RPS6KA5: variants seen among roughly 807,000 people sequenced by gnomAD.
The protein encoded by RPS6KA5 is ribosomal protein S6 kinase A5.
A neutral mutation model predicts 85.5 loss-of-function variants in RPS6KA5; 27 were observed. The observed-to-expected ratio is 0.32, with a 90% CI of 0.23 to 0.44. RPS6KA5 has a LOEUF of 0.44. Among genes scored for constraint, RPS6KA5 ranks in the 20% least tolerant of loss-of-function variants. The pLI, the probability that RPS6KA5 is intolerant of heterozygous loss-of-function variation, is 1.00. For missense variants in RPS6KA5, 811 were observed against 980.9 expected, an observed-to-expected ratio of 0.83 and a Z score of 2.31; for synonymous variants, 334 against 348.2, an observed-to-expected ratio of 0.96 and a Z score of 0.46.
chr14:90,908,723 A>G (rs954321730), intron 7 of RPS6KA5, among the ~76,000 whole-genome samples: 1 of 152,194 alleles, frequency 6.6e-6, no homozygotes, highest in Non-Finnish European at 1.5e-5. Context: ...TACTCTTGAA[A>G]TGTACTGGGT....
At position 90,871,204 on chromosome 14, in the gene RPS6KA5, A is replaced by C. The variant is rs1436515861; in HGVS notation, c.*870T>G. 2 of 152,638 alleles carry C rather than the reference A, an allele frequency of 1.3e-5. No homozygotes were observed. Among genetic ancestry groups the C allele is most frequent in the East Asian group, 3.8e-4 (2 of 5,204 alleles). The allele number at this position is 152,638 out of a possible 1,614,324, so 9.5% of individuals were successfully genotyped here. On this transcript the variant is annotated 3_prime_UTR_variant, in exon 17 of 17. Coordinates refer to ENST00000614987, the MANE Select transcript of RPS6KA5 (RefSeq NM_004755.4). ...TTCTACTTGTTGCATACAAAGTAGA[A>C]GAGGAATGTGAGGACAAATTTAAAG...
chr14:91,027,385 T>G (rs948975476), intron 1 of RPS6KA5, among the ~76,000 whole-genome samples: 2 of 152,148 alleles, frequency 1.3e-5, no homozygotes, highest in Admixed American at 6.6e-5. Flanking sequence ...ACTGCTTGGT[T>G]TTTTTTCCAC....
chr14:90,929,275 C>T (rs1306483094), intron 5 of RPS6KA5, among the ~76,000 whole-genome samples: 1 of 151,832 alleles, frequency 6.6e-6, no homozygotes, highest in Admixed American at 6.6e-5. Flanking sequence ...AATAACCATC[C>T]CCAAACACAC....
At chr14:90,975,052 A>G (rs2039501860) in intron 3 of RPS6KA5, among the ~76,000 whole-genome samples, 1 of 152,188 alleles carries the variant, frequency 6.6e-6, no homozygotes, top group Admixed American at 6.5e-5. Flanking sequence ...ATATATACTG[A>G]TAACAGAGGG....
chr14:90,964,014 G>A (rs542066054), intron 3 of RPS6KA5, among the ~76,000 whole-genome samples: 1 of 152,146 alleles, frequency 6.6e-6, no homozygotes, highest in Non-Finnish European at 1.5e-5. Context: ...GGAAGTCACT[G>A]AGAGACGTCA....
rs1724769022 is a variant in RPS6KA5, at chr14:90,866,113, C to T, written c.*5961G>A. On this transcript the variant is annotated 3_prime_UTR_variant, in exon 17 of 17. Coordinates refer to ENST00000614987, the MANE Select transcript of RPS6KA5 (RefSeq NM_004755.4). ...AGAAATACACAAATGAGTGTGGACA[C>T]ACCATAGAAAAGCAGAAAAATACGA... The T allele has an allele frequency of 6.6e-6, 1 of 152,082 alleles. No homozygotes were observed. Among genetic ancestry groups the T allele is most frequent in the Admixed American group, 6.5e-5 (1 of 15,268 alleles). The allele number at this position is 152,082 out of a possible 1,614,324, so 9.4% of individuals were successfully genotyped here.
intron 5 of RPS6KA5, among the ~76,000 whole-genome samples, chr14:90,923,526 G>A (rs911475918): frequency 6.6e-6 from 1 of 151,830 alleles, no homozygotes; most frequent in African/African-American, 2.4e-5. Context: ...GTATATTTCA[G>A]TTGCTGATTT....
chr14:90,930,070 C>T (rs2036890183), intron 5 of RPS6KA5, among the ~76,000 whole-genome samples: 1 of 152,136 alleles, frequency 6.6e-6, no homozygotes, highest in Admixed American at 6.5e-5. Context: ...TGAATTCTTG[C>T]TATATTGCCC....
chr14:90,914,172 ATCT>A (rs1566733885), intron 7 of RPS6KA5, among the ~76,000 whole-genome samples: 1 of 151,962 alleles, frequency 6.6e-6, no homozygotes, highest in Non-Finnish European at 1.5e-5. Flanking sequence ...GCGGCAAAGA[ATCT>A]ACACTGCAGC....
At chr14:90,985,611 T>G (rs2040024460) in intron 2 of RPS6KA5, among the ~76,000 whole-genome samples, 1 of 152,230 alleles carries the variant, frequency 6.6e-6, no homozygotes, top group Non-Finnish European at 1.5e-5. Flanking sequence ...CATAACAAAC[T>G]TATTAACTAT....
chr14:90,887,031 T>C (rs1220878607), intron 14 of RPS6KA5, among the ~76,000 whole-genome samples: 1 of 152,240 alleles, frequency 6.6e-6, no homozygotes, highest in African/African-American at 2.4e-5. Context: ...ATAAATTTTG[T>C]GCTTGTTATG....
intron 3 of RPS6KA5, among the ~76,000 whole-genome samples, chr14:90,977,576 C>CT (rs149582232): frequency 0.013 from 2,000 of 152,292 alleles, 56 homozygotes; most frequent in African/African-American, 0.046. Flanking sequence ...TCTTTTCTTT[C>CT]TTTTTTCTTT....
rs184039748 is a variant in RPS6KA5 at position 90,932,617 on chromosome 14, T to G, written c.619-9421A>C. ...ATACTCAGTGAGAAAACAGAAGACC[T>G]TCTATAAGCTGCCAGTACACACCAC... On this transcript the variant is annotated intron_variant, in intron 5 of 16. Coordinates refer to ENST00000614987, the MANE Select transcript of RPS6KA5 (RefSeq NM_004755.4). 3.2e-3 allele frequency among the ~76,000 whole-genome samples: 486 copies of G among 152,316 alleles called. 1 individual carries two copies. The highest frequency in any genetic ancestry group is 4.7e-3 in the Non-Finnish European group (320 of 68,008).
chr14:90,934,481 T>C (rs909798765), intron 5 of RPS6KA5, among the ~76,000 whole-genome samples: 4 of 152,152 alleles, frequency 2.6e-5, no homozygotes, highest in African/African-American at 9.7e-5. Flanking sequence ...CCTTTCTTTC[T>C]TAGAAAATAG....
intron 14 of RPS6KA5, among the ~76,000 whole-genome samples, chr14:90,885,673 C>A (rs1224833454): frequency 8.3e-6 from 1 of 120,138 alleles, no homozygotes; most frequent in Non-Finnish European, 1.6e-5. Flanking sequence ...ACCTAGGAGG[C>A]GGAGCTTGCA....
intron 14 of RPS6KA5, among the ~76,000 whole-genome samples, chr14:90,875,849 C>T (rs2140144400): frequency 7.5e-6 from 1 of 133,066 alleles, no homozygotes; most frequent in African/African-American, 2.9e-5. Flanking sequence ...GGGAATTGAA[C>T]AATGAGAACA....
intron 12 of RPS6KA5, among the ~76,000 whole-genome samples, chr14:90,895,363 G>A (rs1279641942): frequency 6.6e-6 from 1 of 151,986 alleles, no homozygotes; most frequent in Non-Finnish European, 1.5e-5. Flanking sequence ...AAACATAAAA[G>A]TTTAAAAAGG....
At chr14:90,886,855 T>C (rs2034260208) in intron 14 of RPS6KA5, among the ~76,000 whole-genome samples, 2 of 152,240 alleles carry the variant, frequency 1.3e-5, no homozygotes, top group South Asian at 4.1e-4. Flanking sequence ...TATAATGGGT[T>C]GTAATCAAAA....
At chr14:91,036,305 A>G (rs2042408713) in intron 1 of RPS6KA5, among the ~76,000 whole-genome samples, 2 of 152,236 alleles carry the variant, frequency 1.3e-5, no homozygotes, top group Non-Finnish European at 2.9e-5. Context: ...AAGACAGTAT[A>G]ATGAAGGAAG....
Sources: gnomAD v4.1 joint callset for allele counts (sites outside exome capture counted in the v4.1 genomes callset) on GRCh38, gnomAD v4.1.1 for gene constraint, MANE v1.5 for transcripts, NCBI Gene and HGNC (gene_info 2026-07-23, HGNC 2026-07-21) for gene names.